CALCOCO1: variants seen among roughly 807,000 people sequenced by gnomAD.
CALCOCO1 encodes calcium binding and coiled-coil domain 1.
In CALCOCO1, 44 loss-of-function variants were observed where a neutral mutation model predicts 86.3. That is an observed-to-expected ratio of 0.51 (90% CI 0.40 to 0.66). The LOEUF is 0.66. CALCOCO1 is among the 30% of genes least tolerant of loss of function. The pLI is 0.00. For missense variants in CALCOCO1, 708 were observed against 851.1 expected (o/e 0.83, Z 2.09); for synonymous variants, 297 against 327.6 (o/e 0.91, Z 1.01).
chr12:53,713,739 G>A lies in CALCOCO1; in HGVS notation c.1753C>T (p.His585Tyr), dbSNP rs1313580068. ...CTGTCCTCAGCTGGCCCAGAGAGGT[G>A]AGGAGAAATGGGAGCCGGCTGGCTG... ...VISQPAPISP[H>Y]LSGPAEDSSS... is the part of the protein sequence containing the mutation. The change falls in exon 13 of 15, where the codon CAC (histidine) becomes TAC (tyrosine). Residue 585 changes from histidine to tyrosine, a missense_variant. His to Tyr is a moderately conservative substitution (Grantham distance 83). Transcript: ENST00000550804. The A allele has an allele frequency of 6.2e-7, 1 of 1,602,734 alleles. No homozygotes were observed. Among genetic ancestry groups the A allele is most frequent in the Non-Finnish European group, 8.5e-7 (1 of 1,174,612 alleles).
chr12:53,713,032 G>T, intron 14 of CALCOCO1, 68 bp downstream of exon 14: 2 of 1,437,744 alleles, frequency 1.4e-6, no homozygotes, highest in Non-Finnish European at 2.0e-6. Flanking sequence ...CCTGGTGACT[G>T]TCCACACAGA....
At position 53,714,054 on chromosome 12, in the gene CALCOCO1, A is replaced by C. The variant is rs536681412; in HGVS notation, c.1591+79T>G. 17 of 1,379,912 alleles carry C rather than the reference A, an allele frequency of 1.2e-5. No homozygotes were observed. The African/African-American group carries it at 2.3e-4, about 18-fold the overall frequency. 85.5% of individuals were successfully genotyped at this position (1,379,912 alleles called of 1,614,324 possible). Reference sequence around the variant, plus strand: ...CACATAGAAGGCAAAGGCAGCTCCCAGCAAGGTTACATGGAGCCTTCCTCA... The same window carrying C: ...CACATAGAAGGCAAAGGCAGCTCCCCGCAAGGTTACATGGAGCCTTCCTCA... On this transcript the variant is annotated intron_variant, in intron 12 of 14. Transcript: ENST00000550804.
At position 53,724,652 on chromosome 12, in the gene CALCOCO1, C is replaced by G. The variant is rs1945974502; in HGVS notation, c.252G>C (p.Gln84His). The G allele has an allele frequency of 1.2e-6, 2 of 1,613,538 alleles. No homozygotes were observed. Among genetic ancestry groups the G allele is most frequent in the South Asian group, 2.2e-5 (2 of 90,992 alleles). Residue 84 changes from glutamine to histidine, a missense_variant, in exon 3 of 15, where the codon CAG becomes CAC. Physicochemically the swap from Gln to His is conservative, Grantham distance 24. Transcript: ENST00000550804. ...TTCCATCTTCCCTTGTACCTTGGAA[C>G]TGGACACTGGTGTGAATGGGGGAAC... is the stretch of plus-strand genomic sequence containing the variant. ...TDGSPIHTSV[Q>H]FQASYLPKPG... is the part of the protein sequence containing the mutation.
chr12:53,713,002 G>A, intron 14 of CALCOCO1, 98 bp downstream of exon 14: 1 of 1,307,848 alleles, frequency 7.6e-7, no homozygotes, highest in Non-Finnish European at 1.1e-6. Context: ...GGCCAAGAAG[G>A]GCAGGGGTTG....
chr12:53,719,857 C>T (rs762544103), intron 6 of CALCOCO1, 28 bp from the exon 7 acceptor site: 11 of 1,475,494 alleles, frequency 7.5e-6, no homozygotes, highest in Non-Finnish European at 1.0e-5. Context: ...ACATGTCAGA[C>T]AATCTGCTCC....
intron 7 of CALCOCO1, among the ~76,000 whole-genome samples, chr12:53,718,016 C>T (rs1945772028): frequency 6.6e-6 from 1 of 152,210 alleles, no homozygotes; most frequent in Non-Finnish European, 1.5e-5. Flanking sequence ...CAAGATGAAA[C>T]TCCGTCTCAA....
Position 53,710,959 on chromosome 12 carries a change from G to A in CALCOCO1, c.*985C>T, listed in dbSNP as rs2120518013. The stretch of plus-strand genomic sequence containing the variant: ...AACCCACTCATGGCCAGCACACCAG[G>A]AGGCACGACAGGACAGTAACTGCCC... On this transcript the variant is annotated 3_prime_UTR_variant, in exon 15 of 15. Transcript: ENST00000550804. The A allele has an allele frequency of 3.3e-6, 1 of 301,202 alleles. No individual in the cohort carries two copies. The highest frequency in any genetic ancestry group is 6.0e-6 in the Non-Finnish European group (1 of 165,622). 18.7% of individuals were successfully genotyped at this position (301,202 alleles called of 1,614,324 possible). A position where few individuals can be genotyped will look rare whatever the true frequency, so the allele number is the denominator to read the frequency against.
intron 14 of CALCOCO1, 135 bp downstream of exon 14, chr12:53,712,965 A>G: frequency 8.0e-7 from 1 of 1,251,986 alleles, no homozygotes; most frequent in Non-Finnish European, 1.1e-6. Flanking sequence ...CTTGTTAACC[A>G]TACCTGTATC....
intron 12 of CALCOCO1, 101 bp from the exon 13 acceptor site, chr12:53,714,001 G>T: frequency 7.6e-7 from 1 of 1,319,734 alleles, no homozygotes; most frequent in African/African-American, 1.4e-5. Flanking sequence ...CTAAACAGGG[G>T]CCAGGGTCTG....
intron 5 of CALCOCO1, 58 bp from the exon 6 acceptor site, chr12:53,721,673 G>A: frequency 6.2e-7 from 1 of 1,603,586 alleles, no homozygotes; most frequent in South Asian, 1.1e-5. Context: ...CTCAAGTGGT[G>A]GAACAAAGGC....
At chr12:53,713,313 T>G in intron 13 of CALCOCO1, 107 bp from the exon 14 acceptor site, 1 of 883,392 alleles carries the variant, frequency 1.1e-6, no homozygotes, top group Non-Finnish European at 1.8e-6. Flanking sequence ...GACAGTGACC[T>G]GAGGGGCTTA....
In CALCOCO1 at chr12:53,716,364, T is replaced by G. The variant is rs752343678; in HGVS notation, c.901A>C (p.Lys301Gln). 11 of 1,614,026 alleles carry G rather than the reference T, an allele frequency of 6.8e-6. No individual in the cohort carries two copies. The African/African-American group carries it at 1.1e-4, about 16-fold the overall frequency. Residue 301 changes from lysine to glutamine, a missense_variant, in exon 8 of 15, where the codon AAG becomes CAG. Coordinates refer to ENST00000550804, the MANE Select transcript of CALCOCO1 (RefSeq NM_020898.3). ...QENHHLNLDLKEAKSWQEEQS... is the reference protein window; with the variant it reads ...QENHHLNLDLQEAKSWQEEQS... ...TCCTCTTGCCAGCTCTTCGCCTCCT[T>G]CAGGTCCAAATTTAAGTGATGGTTC...
At chr12:53,716,521 A>G (rs1945732445) in intron 7 of CALCOCO1, 106 bp from the exon 8 acceptor site, 1 of 1,181,456 alleles carries the variant, frequency 8.5e-7, no homozygotes, top group East Asian at 2.4e-5. Flanking sequence ...CTCAGATTTA[A>G]CACACACTCA....
In CALCOCO1 at chr12:53,725,263, C is replaced by T. The variant is rs752179620; in HGVS notation, c.-21G>A. 6 of 1,559,746 alleles carry T rather than the reference C, an allele frequency of 3.8e-6. No individual in the cohort carries two copies. The Admixed American group carries it at 1.2e-4, about 30-fold the overall frequency. ...TCCATCCTGGCCTTGAGATATCTGT[C>T]CTCCTATGAAAGAAAGGGTTGATAG... On this transcript the variant is annotated 5_prime_UTR_variant, in exon 2 of 15. Transcript: ENST00000550804.
In CALCOCO1 at chr12:53,711,043, G is replaced by C. The variant is rs1362569443; in HGVS notation, c.*901C>G. On this transcript the variant is annotated 3_prime_UTR_variant, in exon 15 of 15. Transcript: ENST00000550804. ...CTCTTTCCCTCCTCCCTCCACCAGG[G>C]TCTAAGAGCTGGAGGTCTGGGCCCT... 1 of 375,812 alleles carries C rather than the reference G, an allele frequency of 2.7e-6. No individual in the cohort carries two copies. Among genetic ancestry groups the C allele is most frequent in the Non-Finnish European group, 4.7e-6 (1 of 211,874 alleles). The allele number at this position is 375,812 out of a possible 1,614,324, so 23.3% of individuals were successfully genotyped here. A position where few individuals can be genotyped will look rare whatever the true frequency, so the allele number is the denominator to read the frequency against.
rs1945617394 is a variant in CALCOCO1, at chr12:53,713,117, G to A, written c.1881C>T (p.Ala627=). The change falls in exon 14 of 15, where the codon GCC becomes GCT. Residue 627 remains alanine (A), a synonymous_variant. Transcript: ENST00000550804. ...ANLLLPELGS[A]FYDMASGFTV... ...GAACTCACCTGGCCATGTCATAGAAGGCACTGCCCAGTTCAGGAAGCAGTA... is the reference window on the plus strand; with the variant it reads ...GAACTCACCTGGCCATGTCATAGAAAGCACTGCCCAGTTCAGGAAGCAGTA... 1 of 1,614,008 alleles carries A rather than the reference G, an allele frequency of 6.2e-7. No homozygotes were observed. The highest frequency in any genetic ancestry group is 8.5e-7 in the Non-Finnish European group (1 of 1,179,906).
intron 4 of CALCOCO1, 128 bp from the exon 5 acceptor site, chr12:53,722,311 G>A: frequency 9.9e-7 from 1 of 1,012,832 alleles, no homozygotes; most frequent in Middle Eastern, 2.1e-4. Context: ...AAGAGGTGAG[G>A]AAGGGGATGC....
At chr12:53,713,287 G>A in intron 13 of CALCOCO1, 81 bp from the exon 14 acceptor site, 4 of 1,175,096 alleles carry the variant, frequency 3.4e-6, no homozygotes, top group Non-Finnish European at 5.0e-6. Flanking sequence ...GGTATGGGAA[G>A]AGCAGCCAAG....
At chr12:53,715,158 A>G (rs370012045) in intron 10 of CALCOCO1, 42 bp downstream of exon 10, 2 of 1,606,668 alleles carry the variant, frequency 1.2e-6, no homozygotes, top group Non-Finnish European at 1.7e-6. Flanking sequence ...TGGATGCCTC[A>G]GGAGGCCATA....
Sources: gnomAD v4.1 joint callset for allele counts (sites outside exome capture counted in the v4.1 genomes callset) on GRCh38, gnomAD v4.1.1 for gene constraint, MANE v1.5 for transcripts, NCBI Gene and HGNC (gene_info 2026-07-23, HGNC 2026-07-21) for gene names.